The following B3GNT4 variants were observed in gnomAD, a reference collection of about 807,000 sequenced individuals.
B3GNT4 encodes N-acetyllactosaminide beta-1,3-N-acetylglucosaminyltransferase 4.
A neutral mutation model predicts 2.7 loss-of-function variants in B3GNT4; 2 were observed. The ratio of observed to expected loss-of-function variants is 0.73; its 90% CI spans 0.30 to 2.31. The LOEUF (loss-of-function observed/expected upper bound fraction) is 2.31, where lower values mean the gene tolerates loss of function less well. B3GNT4 is among the 30% of genes most tolerant of loss of function. B3GNT4 has a pLI of 0.12. For synonymous variants in B3GNT4, 280 were observed against 203.4 expected, an observed-to-expected ratio of 1.38 and a Z score of -3.20; for missense variants, 708 against 490.9, an observed-to-expected ratio of 1.44 and a Z score of -4.18.
rs1954009987 is a variant in B3GNT4, at chr12:122,208,938, CAA to C, written c.*1552_*1553del. On this transcript the variant is annotated 3_prime_UTR_variant, in exon 3 of 3. Coordinates refer to ENST00000324189, the MANE Select transcript of B3GNT4 (RefSeq NM_030765.4). ...ACAAAGAGATCATGAATAAAATTGT[CAA>C]AGATCCCTTTCATCACCTTGACTAA... 1 of 371,986 alleles carries C rather than the reference CAA, an allele frequency of 2.7e-6. No individual in the cohort carries two copies. The highest frequency in any genetic ancestry group is 5.2e-6 in the Non-Finnish European group (1 of 192,616). 23.0% of individuals were successfully genotyped at this position (371,986 alleles called of 1,614,324 possible).
chr12:122,204,595 G>A lies in B3GNT4; in HGVS notation c.-24G>A, dbSNP rs781232010. On this transcript the variant is annotated 5_prime_UTR_variant, in exon 2 of 3. Coordinates refer to ENST00000324189, the MANE Select transcript of B3GNT4 (RefSeq NM_030765.4). ...CGCCGCCGCCCGGCATCCTGAGCAC[G>A]GAGACAGTCTCCAGCTGCCGTTCAT... 2 of 1,597,556 alleles carry A rather than the reference G, an allele frequency of 1.3e-6. No homozygotes were observed. The highest frequency in any genetic ancestry group is 1.7e-5 in the Admixed American group (1 of 59,962).
intron 1 of B3GNT4, 90 bp from the exon 2 acceptor site, chr12:122,204,432 G>A: frequency 1.6e-6 from 1 of 611,826 alleles, no homozygotes; most frequent in South Asian, 1.7e-5. Flanking sequence ...CGCAGCCTGG[G>A]CTGAAACCTC....
At chr12:122,204,766 C>T (rs1953893338) in intron 2 of B3GNT4, 82 bp downstream of exon 2, 1 of 1,279,562 alleles carries the variant, frequency 7.8e-7, no homozygotes, top group African/African-American at 1.5e-5. Context: ...AAAACTCTGG[C>T]CGGTGGCTCA....
rs925992856 is a variant in B3GNT4 at position 122,204,570 on chromosome 12, C to T, written c.-49C>T. On this transcript the variant is annotated 5_prime_UTR_variant, in exon 2 of 3. Transcript: ENST00000324189. Reference sequence around the variant, plus strand: ...ACTCATCTCGCTTCGACCCCGCCGCCGCCGCCGCCCGGCATCCTGAGCACG... The same window carrying T: ...ACTCATCTCGCTTCGACCCCGCCGCTGCCGCCGCCCGGCATCCTGAGCACG... The T allele has an allele frequency of 6.5e-6, 10 of 1,539,354 alleles. No individual in the cohort carries two copies. The highest frequency in any genetic ancestry group is 7.2e-6 in the Non-Finnish European group (8 of 1,117,980).
Position 122,208,199 on chromosome 12 carries a change from T to G in B3GNT4, c.*811T>G. 4 of 744,202 alleles carry G rather than the reference T, an allele frequency of 5.4e-6. No individual in the cohort carries two copies. Among genetic ancestry groups the G allele is most frequent in the Non-Finnish European group, 9.4e-6 (4 of 426,326 alleles). 46.1% of individuals were successfully genotyped at this position (744,202 alleles called of 1,614,324 possible). A position where few individuals can be genotyped will look rare whatever the true frequency, so the allele number is the denominator to read the frequency against. On this transcript the variant is annotated 3_prime_UTR_variant, in exon 3 of 3. Coordinates refer to ENST00000324189, the MANE Select transcript of B3GNT4 (RefSeq NM_030765.4). ...CAGTGCCCAAGGGCTAAGAACCAGG[T>G]CCAGCGCAAGCCTGAGACCACAGGA...
In B3GNT4 at chr12:122,208,599, G is replaced by T; in HGVS notation, c.*1211G>T. On this transcript the variant is annotated 3_prime_UTR_variant, in exon 3 of 3. Coordinates refer to ENST00000324189, the MANE Select transcript of B3GNT4 (RefSeq NM_030765.4). Reference sequence around the variant, plus strand: ...GCGCCTGCCAAAAGATGGGACAATCGGGTTGAGCAGCCGTGCAGGGCGCGG... The same window carrying T: ...GCGCCTGCCAAAAGATGGGACAATCTGGTTGAGCAGCCGTGCAGGGCGCGG... The T allele has an allele frequency of 6.2e-7, 1 of 1,608,654 alleles. No individual in the cohort carries two copies. The highest frequency in any genetic ancestry group is 1.1e-5 in the South Asian group (1 of 90,870).
chr12:122,208,289 G>C lies in B3GNT4; in HGVS notation c.*901G>C, dbSNP rs764393514. The C allele has an allele frequency of 3.4e-6, 5 of 1,474,354 alleles. No homozygotes were observed. Among genetic ancestry groups the C allele is most frequent in the Non-Finnish European group, 4.7e-6 (5 of 1,066,984 alleles). 91.3% of individuals were successfully genotyped at this position (1,474,354 alleles called of 1,614,324 possible). A position where few individuals can be genotyped will look rare whatever the true frequency, so the allele number is the denominator to read the frequency against. On this transcript the variant is annotated 3_prime_UTR_variant, in exon 3 of 3. Transcript: ENST00000324189. ...AGGGCAGGATCTGCCGCCTCTTCTC[G>C]GTGCACAGACAGTCATGCCAACCCT... is the stretch of plus-strand genomic sequence containing the variant.
chr12:122,206,322 C>G lies in B3GNT4; in HGVS notation c.71C>G (p.Pro24Arg), dbSNP rs765148419. 2 of 1,557,632 alleles carry G rather than the reference C, an allele frequency of 1.3e-6. No individual in the cohort carries two copies. The highest frequency in any genetic ancestry group is 2.3e-5 in the East Asian group (1 of 44,346). Residue 24 changes from proline to arginine, a missense_variant, in exon 3 of 3, where the codon CCG becomes CGG. Physicochemically the swap from Pro to Arg is moderately radical, Grantham distance 103. Coordinates refer to ENST00000324189, the MANE Select transcript of B3GNT4 (RefSeq NM_030765.4). ...GGRSGLLPKGPAMLCRLCWLV... is the reference protein window; with the variant it reads ...GGRSGLLPKGRAMLCRLCWLV... ...CAGGTGGCTCTCTCCTTGCAGGGAC[C>G]GGCGATGCTCTGCAGGCTGTGCTGG...
chr12:122,204,593 A>G lies in B3GNT4; in HGVS notation c.-26A>G, dbSNP rs757076167. ...GCCGCCGCCGCCCGGCATCCTGAGC[A>G]CGGAGACAGTCTCCAGCTGCCGTTC... On this transcript the variant is annotated 5_prime_UTR_variant, in exon 2 of 3. Transcript: ENST00000324189. 1.1e-5 allele frequency: 17 copies of G among 1,593,770 alleles called. No individual in the cohort carries two copies. The Admixed American group carries it at 1.2e-4, about 11-fold the overall frequency.
At position 122,208,338 on chromosome 12, in the gene B3GNT4, C is replaced by G. The variant is rs768259237; in HGVS notation, c.*950C>G. 1.2e-6 allele frequency: 2 copies of G among 1,603,202 alleles called. No individual in the cohort carries two copies. Among genetic ancestry groups the G allele is most frequent in the Non-Finnish European group, 8.5e-7 (1 of 1,174,724 alleles). ...CTGGGCAGGGTGGCATCTGCCCCTG[C>G]TTTCCCCACTGAGTGGGGAGACAGG... On this transcript the variant is annotated 3_prime_UTR_variant, in exon 3 of 3. Transcript: ENST00000324189.
rs1954009013 is a variant in B3GNT4, at chr12:122,208,905, T to G, written c.*1517T>G. ...TTTTTTTAACTACACATCTTCCATT[T>G]CTTTTTGACAAAGAGATCATGAATA... On this transcript the variant is annotated 3_prime_UTR_variant, in exon 3 of 3. Transcript: ENST00000324189. 2.5e-6 allele frequency: 1 copy of G among 399,760 alleles called. No individual in the cohort carries two copies. The highest frequency in any genetic ancestry group is 3.4e-5 in the Admixed American group (1 of 29,146). The allele number at this position is 399,760 out of a possible 1,614,324, so 24.8% of individuals were successfully genotyped here.
chr12:122,206,150 C>A (rs1249323208), intron 2 of B3GNT4, 168 bp from the exon 3 acceptor site: 2 of 571,806 alleles, frequency 3.5e-6, no homozygotes, highest in Non-Finnish European at 6.0e-6. Flanking sequence ...TGTGCTTAGC[C>A]CATCCTCAGG....
At position 122,206,994 on chromosome 12, in the gene B3GNT4, G is replaced by C. The variant is rs59453864; in HGVS notation, c.743G>C (p.Arg248Pro). ...AQDLLVGDVI[R>P]QALPNRNTKV... ...GACCTCCTGGTGGGAGATGTCATCCGCCAAGCCCTGCCCAACAGGAACACT... is the reference window on the plus strand; with the variant it reads ...GACCTCCTGGTGGGAGATGTCATCCCCCAAGCCCTGCCCAACAGGAACACT... The change falls in exon 3 of 3, where the codon CGC becomes CCC. Residue 248 changes from arginine (R) to proline (P), a missense_variant. Physicochemically the swap from Arg to Pro is moderately radical, Grantham distance 103. Transcript: ENST00000324189. 2 of 1,613,958 alleles carry C rather than the reference G, an allele frequency of 1.2e-6. No homozygotes were observed. Among genetic ancestry groups the C allele is most frequent in the Non-Finnish European group, 1.7e-6 (2 of 1,179,990 alleles).
intron 2 of B3GNT4, chr12:122,205,734 TCTCC>T (rs140571914): frequency 2.0e-5 from 3 of 152,406 alleles, no homozygotes; most frequent in Non-Finnish European, 2.9e-5. Flanking sequence ...TGTGGCTTTG[TCTCC>T]CTCCCTCCCT....
chr12:122,206,253 C>T (rs1279015366), intron 2 of B3GNT4, 65 bp from the exon 3 acceptor site: 1 of 1,373,462 alleles, frequency 7.3e-7, no homozygotes, highest in Admixed American at 2.2e-5. Flanking sequence ...CAGGTTAACT[C>T]CTGCCCAACT....
Position 122,206,966 on chromosome 12 carries a change from C to T in B3GNT4, c.715C>T (p.Gln239Ter). ...LEFLDGWDPA[Q>*]DLLVGDVIRQ... Reference sequence around the variant, plus strand: ...GTTCCTGGATGGCTGGGACCCAGCCCAGGACCTCCTGGTGGGAGATGTCAT... The same window carrying T: ...GTTCCTGGATGGCTGGGACCCAGCCTAGGACCTCCTGGTGGGAGATGTCAT... The change falls in exon 3 of 3, where the codon CAG becomes TAG. Residue 239 changes from glutamine (Q) to a stop codon, truncating the protein, a stop_gained. Transcript: ENST00000324189. LOFTEE classifies it low-confidence loss of function (END_TRUNC). 1 of 1,614,094 alleles carries T rather than the reference C, an allele frequency of 6.2e-7. No homozygotes were observed. Among genetic ancestry groups the T allele is most frequent in the Non-Finnish European group, 8.5e-7 (1 of 1,179,994 alleles).
Position 122,208,349 on chromosome 12 carries a change from G to A in B3GNT4, c.*961G>A, listed in dbSNP as rs374859154. On this transcript the variant is annotated 3_prime_UTR_variant, in exon 3 of 3. Coordinates refer to ENST00000324189, the MANE Select transcript of B3GNT4 (RefSeq NM_030765.4). ...GGCATCTGCCCCTGCTTTCCCCACT[G>A]AGTGGGGAGACAGGGCAGTGTGCTC... 2 of 1,604,636 alleles carry A rather than the reference G, an allele frequency of 1.2e-6. No homozygotes were observed. The highest frequency in any genetic ancestry group is 2.7e-5 in the African/African-American group (2 of 74,806).
At position 122,207,056 on chromosome 12, in the gene B3GNT4, GC is replaced by G. The variant is rs774634761; in HGVS notation, c.807del (p.Thr270ProfsTer43). Reference protein sequence around the residue: ...KYFIPPSMYRATHYPPYAGGG... With the variant: ...KYFIPPSMYRXTHYPPYAGGG... ...CTTCATCCCACCCTCAATGTACAGG[GC>G]CACCCACTACCCACCCTATGCTGGT... On this transcript the variant is annotated frameshift_variant, in exon 3 of 3. Coordinates refer to ENST00000324189, the MANE Select transcript of B3GNT4 (RefSeq NM_030765.4). LOFTEE classifies it low-confidence loss of function (END_TRUNC). 2.5e-6 allele frequency: 4 copies of G among 1,613,894 alleles called. No individual in the cohort carries two copies. Among genetic ancestry groups the G allele is most frequent in the Non-Finnish European group, 3.4e-6 (4 of 1,179,916 alleles).
In B3GNT4 at chr12:122,207,337, G is replaced by T; in HGVS notation, c.1086G>T (p.Leu362=). The T allele has an allele frequency of 6.2e-7, 1 of 1,606,144 alleles. No homozygotes were observed. The highest frequency in any genetic ancestry group is 8.5e-7 in the Non-Finnish European group (1 of 1,175,554). ...SPLEMWTMWA[L]VTDEGLKCAA... ...TCGAGATGTGGACCATGTGGGCACT[G>T]GTGACAGATGAGGGGCTCAAGTGTG... Residue 362 remains leucine (L), a synonymous_variant, in exon 3 of 3, where the codon CTG becomes CTT. Transcript: ENST00000324189.
Sources: allele counts gnomAD v4.1 joint callset, GRCh38; gene constraint gnomAD v4.1.1; transcripts MANE v1.5; gene names NCBI Gene and HGNC (gene_info 2026-07-23, HGNC 2026-07-21).